Variants in ACVR1 observed in about 807,000 individuals in gnomAD.
ACVR1 encodes activin receptor type-1.
ACVR1 carries 38 observed loss-of-function variants against 57.1 expected under a neutral mutation model. The observed-to-expected ratio is 0.67, with a 90% CI of 0.51 to 0.87. The LOEUF is 0.87. Among genes scored for constraint, ACVR1 ranks in the 40% least tolerant of loss-of-function variants. The probability of loss-of-function intolerance (pLI) is 0.00; values close to 1 mark genes in which losing one functional copy is unlikely to be tolerated. For synonymous variants in ACVR1, 212 were observed against 228.1 expected, an observed-to-expected ratio of 0.93 and a Z score of 0.63; for missense variants, 463 against 638.2, an observed-to-expected ratio of 0.73 and a Z score of 2.96.
chr2:157,798,140 ATTCATT>A (rs1260964932), intron 3 of ACVR1, among the ~76,000 whole-genome samples: 1 of 152,212 alleles, frequency 6.6e-6, no homozygotes, highest in Non-Finnish European at 1.5e-5. Flanking sequence ...CCCACCGAGC[ATTCATT>A]TTCATGAATA....
chr2:157,787,331 C>A (rs1686750064), intron 3 of ACVR1, among the ~76,000 whole-genome samples: 2 of 152,082 alleles, frequency 1.3e-5, no homozygotes, highest in African/African-American at 4.8e-5. Flanking sequence ...AAAATAATGA[C>A]CCCTTTCTTC....
intron 3 of ACVR1, among the ~76,000 whole-genome samples, chr2:157,799,040 G>A (rs1266872488): frequency 6.6e-6 from 1 of 151,816 alleles, no homozygotes; most frequent in Non-Finnish European, 1.5e-5. Context: ...GGGATTACAG[G>A]TGCCCGCCAC....
intron 4 of ACVR1, among the ~76,000 whole-genome samples, chr2:157,780,044 T>G (rs1686443455): frequency 6.6e-6 from 1 of 152,206 alleles, no homozygotes; most frequent in Non-Finnish European, 1.5e-5. Context: ...AAAAAGGTAT[T>G]GGGAGCTGTT....
intron 1 of ACVR1, among the ~76,000 whole-genome samples, chr2:157,836,063 C>T (rs950349515): frequency 3.9e-5 from 6 of 152,286 alleles, no homozygotes; most frequent in South Asian, 2.1e-4. Flanking sequence ...TTAACAGTGA[C>T]GACCTGACAT....
At chr2:157,818,861 G>A (rs978514863) in intron 1 of ACVR1, among the ~76,000 whole-genome samples, 2 of 151,740 alleles carry the variant, frequency 1.3e-5, no homozygotes, top group Admixed American at 6.6e-5. Flanking sequence ...GGCGGATCAC[G>A]AGGTCAGGAG....
intron 1 of ACVR1, among the ~76,000 whole-genome samples, chr2:157,847,004 C>G (rs542494059): frequency 1.3e-5 from 2 of 152,088 alleles, no homozygotes; most frequent in South Asian, 4.1e-4. Flanking sequence ...TCCCCAGAAT[C>G]GATATGTATG....
intron 1 of ACVR1, among the ~76,000 whole-genome samples, chr2:157,853,515 T>C (rs1014464461): frequency 1.6e-4 from 25 of 152,136 alleles, no homozygotes; most frequent in African/African-American, 2.9e-4. Context: ...AGCACATCAA[T>C]TGGGAAGGAC....
chr2:157,774,525 C>T (rs944767315), intron 5 of ACVR1, among the ~76,000 whole-genome samples: 10 of 151,978 alleles, frequency 6.6e-5, no homozygotes, highest in South Asian at 4.2e-4. Context: ...CCACCACGCC[C>T]GGCTAATTTT....
chr2:157,819,993 A>G (rs1325432354), intron 1 of ACVR1, among the ~76,000 whole-genome samples: 1 of 152,232 alleles, frequency 6.6e-6, no homozygotes, highest in African/African-American at 2.4e-5. Flanking sequence ...CTAACCAGAA[A>G]ACAAGCCCCA....
At chr2:157,753,954 G>C (rs1685312631) in intron 9 of ACVR1, among the ~76,000 whole-genome samples, 1 of 152,102 alleles carries the variant, frequency 6.6e-6, no homozygotes, top group African/African-American at 2.4e-5. Flanking sequence ...ACTCCAAAAG[G>C]AACCTTCAAA....
intron 1 of ACVR1, among the ~76,000 whole-genome samples, chr2:157,858,948 C>T (rs1689631609): frequency 6.6e-6 from 1 of 152,170 alleles, no homozygotes; most frequent in Non-Finnish European, 1.5e-5. Context: ...CACCAGACAG[C>T]TCTACTTGGA....
chr2:157,856,342 CA>C (rs1331376586), intron 1 of ACVR1, among the ~76,000 whole-genome samples: 1 of 152,146 alleles, frequency 6.6e-6, no homozygotes, highest in East Asian at 1.9e-4. Context: ...TTCACTCACT[CA>C]AAACTTCTCA....
At chr2:157,842,775 C>T (rs143079693) in intron 1 of ACVR1, among the ~76,000 whole-genome samples, 22 of 152,282 alleles carry the variant, frequency 1.4e-4, no homozygotes, top group Admixed American at 1.4e-3. Context: ...TAATCTGCTA[C>T]ACAGAGGAAT....
At chr2:157,834,138 C>G (rs1230600782) in intron 1 of ACVR1, among the ~76,000 whole-genome samples, 1 of 152,198 alleles carries the variant, frequency 6.6e-6, no homozygotes, top group Non-Finnish European at 1.5e-5. Flanking sequence ...GTCGCCCAGG[C>G]TGGAGTGCAG....
At chr2:157,828,750 A>G (rs978183958) in intron 1 of ACVR1, among the ~76,000 whole-genome samples, 2 of 148,816 alleles carry the variant, frequency 1.3e-5, no homozygotes, top group African/African-American at 5.2e-5. Context: ...CTCAGAGATT[A>G]GTTTTTTGTT....
chr2:157,805,352 T>C (rs1687481191), intron 2 of ACVR1, among the ~76,000 whole-genome samples: 1 of 152,168 alleles, frequency 6.6e-6, no homozygotes, highest in Non-Finnish European at 1.5e-5. Flanking sequence ...TAACAATCTG[T>C]GAATTAGAAA....
At chr2:157,858,471 CTTTTTA>C (rs1042930287) in intron 1 of ACVR1, among the ~76,000 whole-genome samples, 1 of 152,046 alleles carries the variant, frequency 6.6e-6, no homozygotes, top group Non-Finnish European at 1.5e-5. Context: ...TGTTTTTCTT[CTTTTTA>C]TTTTTATTTT....
chr2:157,876,191 C>T lies in ACVR1; in HGVS notation c.-578G>A, dbSNP rs1417954738. Reference sequence around the variant, plus strand: ...ACTTCCCGAGGCGCAGAGGCTCGGGCTGGGAGCACGACCGCGGGCGGGGCG... The same window carrying T: ...ACTTCCCGAGGCGCAGAGGCTCGGGTTGGGAGCACGACCGCGGGCGGGGCG... On this transcript the variant is annotated 5_prime_UTR_variant, in exon 1 of 11. Coordinates refer to ENST00000434821, the MANE Select transcript of ACVR1 (RefSeq NM_001111067.4). Among the ~76,000 whole-genome samples the T allele has an allele frequency of 6.8e-6, 1 of 146,072 alleles. No homozygotes were observed. The highest frequency in any genetic ancestry group is 2.1e-4 in the East Asian group (1 of 4,770).
intron 1 of ACVR1, among the ~76,000 whole-genome samples, chr2:157,828,599 G>A (rs1373715173): frequency 6.6e-6 from 1 of 152,114 alleles, no homozygotes; most frequent in African/African-American, 2.4e-5. Context: ...GGGCAACAGA[G>A]GGATAGCAAA....
Sources: allele counts gnomAD v4.1 joint callset (sites outside exome capture counted in the v4.1 genomes callset), GRCh38; gene constraint gnomAD v4.1.1; transcripts MANE v1.5; gene names NCBI Gene and HGNC (gene_info 2026-07-23, HGNC 2026-07-21).